Variants in TENM2 observed in about 807,000 individuals in gnomAD.
TENM2 encodes the protein teneurin-2.
TENM2 carries 52 observed loss-of-function variants against 245.2 expected under a neutral mutation model. That is an observed-to-expected ratio of 0.21 (90% confidence interval 0.17 to 0.27). The LOEUF (loss-of-function observed/expected upper bound fraction) is 0.27. Ranked by LOEUF, TENM2 falls within the 10% of genes least tolerant of loss-of-function variation. The probability of loss-of-function intolerance (pLI) is 1.00; values close to 1 mark genes in which losing one functional copy is unlikely to be tolerated. For missense variants in TENM2, 3,046 were observed against 3,666.8 expected, an observed-to-expected ratio of 0.83 and a Z score of 4.37; for synonymous variants, 1,363 against 1,438.9, an observed-to-expected ratio of 0.95 and a Z score of 1.19.
At chr5:167,684,573 C>T (rs2150386443) in intron 2 of TENM2, among the ~76,000 whole-genome samples, 1 of 152,268 alleles carries the variant, frequency 6.6e-6, no homozygotes, top group East Asian at 1.9e-4. Context: ...TGTTTTTCCA[C>T]ATTGCTAGAT....
chr5:167,247,597 C>T, the TENM2 span, among the ~76,000 whole-genome samples: 1 of 152,098 alleles, frequency 6.6e-6, no homozygotes, highest in Non-Finnish European at 1.5e-5. Context: ...ATGAGGGTGC[C>T]AGCCTGCCTC....
intron 2 of TENM2, among the ~76,000 whole-genome samples, chr5:167,815,556 C>A (rs192767324): frequency 3.9e-4 from 59 of 152,264 alleles, no homozygotes; most frequent in Non-Finnish European, 6.6e-4. Context: ...CAATAAGAGG[C>A]CATGCTTTGG....
chr5:167,975,080 G>A (rs534177920), intron 4 of TENM2, among the ~76,000 whole-genome samples: 1 of 152,360 alleles, frequency 6.6e-6, no homozygotes, highest in South Asian at 2.1e-4. Context: ...AATGCCTGAA[G>A]GCGGGCACCT....
chr5:167,171,125 T>G, the TENM2 span, among the ~76,000 whole-genome samples: 2 of 152,164 alleles, frequency 1.3e-5, no homozygotes, highest in Non-Finnish European at 2.9e-5. Flanking sequence ...TGTTGCCCCT[T>G]TGGCTCTGTT....
the TENM2 span, among the ~76,000 whole-genome samples, chr5:167,213,619 C>T: frequency 6.6e-6 from 1 of 152,050 alleles, no homozygotes; most frequent in Non-Finnish European, 1.5e-5. Context: ...AAATCACTAA[C>T]ATGAAAAAGC....
intron 2 of TENM2, among the ~76,000 whole-genome samples, chr5:167,764,349 T>A (rs922858382): frequency 2.0e-5 from 3 of 152,156 alleles, no homozygotes; most frequent in Non-Finnish European, 4.4e-5. Flanking sequence ...ATCTGTTTTT[T>A]CCATCATAGT....
the TENM2 span, among the ~76,000 whole-genome samples, chr5:166,988,431 G>A: frequency 2.7e-4 from 41 of 152,246 alleles, no homozygotes; most frequent in Non-Finnish European, 4.4e-4. Context: ...TCTGAATGCA[G>A]TCTTTTTGAT....
At chr5:168,006,446 C>T (rs1193102162) in intron 5 of TENM2, among the ~76,000 whole-genome samples, 1 of 152,142 alleles carries the variant, frequency 6.6e-6, no homozygotes, top group African/African-American at 2.4e-5. Flanking sequence ...TTAATGCCTT[C>T]GAATGCACAT....
intron 2 of TENM2, among the ~76,000 whole-genome samples, chr5:167,870,567 A>ATC (rs1369956939): frequency 7.2e-6 from 1 of 139,392 alleles, no homozygotes; most frequent in African/African-American, 2.7e-5. Context: ...ATATATATAT[A>ATC]TATGTGTGTG....
At chr5:167,869,659 G>T (rs1772642154) in intron 2 of TENM2, among the ~76,000 whole-genome samples, 1 of 152,204 alleles carries the variant, frequency 6.6e-6, no homozygotes, top group Admixed American at 6.5e-5. Context: ...TTCTGCACTA[G>T]CAGGCCTGGC....
intron 2 of TENM2, among the ~76,000 whole-genome samples, chr5:167,792,251 T>C (rs1158874064): frequency 1.3e-5 from 2 of 151,960 alleles, no homozygotes; most frequent in South Asian, 2.1e-4. Context: ...CAATTTTCCT[T>C]TGAGGAAAAA....
At chr5:168,157,515 G>T (rs777886987) in intron 12 of TENM2, among the ~76,000 whole-genome samples, 1 of 152,184 alleles carries the variant, frequency 6.6e-6, no homozygotes, top group African/African-American at 2.4e-5. Context: ...GGCAGTAGGG[G>T]TGGAAGTAGA....
the TENM2 span, among the ~76,000 whole-genome samples, chr5:167,171,576 A>C: frequency 6.6e-6 from 1 of 152,168 alleles, no homozygotes; most frequent in Non-Finnish European, 1.5e-5. Context: ...TTTCACCTCC[A>C]GAACTGAAAA....
At chr5:167,541,205 G>T (rs997747189) in intron 2 of TENM2, among the ~76,000 whole-genome samples, 1 of 152,096 alleles carries the variant, frequency 6.6e-6, no homozygotes, top group South Asian at 2.1e-4. Context: ...TAGCAAAAAT[G>T]TATTGTTAAT....
intron 2 of TENM2, among the ~76,000 whole-genome samples, chr5:167,812,465 T>C (rs139639760): frequency 0.02 from 3,033 of 152,180 alleles, 108 homozygotes; most frequent in African/African-American, 0.069. Flanking sequence ...CATCCCAGCA[T>C]TTTATTTGTT....
intron 2 of TENM2, among the ~76,000 whole-genome samples, chr5:167,539,907 G>GT (rs1337206609): frequency 6.6e-6 from 1 of 152,124 alleles, no homozygotes; most frequent in African/African-American, 2.4e-5. Context: ...GCTTCAAAAT[G>GT]TTTTTTCATT....
exon 29 of TENM2, chr5:168,262,352 A>C (rs1442211924): frequency 6.2e-7 from 1 of 1,608,028 alleles, no homozygotes. Context: ...CTACTTTGTG[A>C]AGATTGGCTC....
At chr5:167,588,008 AAG>A (rs2127698988) in intron 2 of TENM2, among the ~76,000 whole-genome samples, 1 of 152,282 alleles carries the variant, frequency 6.6e-6, no homozygotes, top group South Asian at 2.1e-4. Flanking sequence ...CTGAGATCCA[AAG>A]AGGCAACCAC....
At chr5:167,755,739 G>A (rs759335487) in intron 2 of TENM2, among the ~76,000 whole-genome samples, 2 of 152,114 alleles carry the variant, frequency 1.3e-5, no homozygotes, top group Non-Finnish European at 1.5e-5. Context: ...TCTGTTAGCT[G>A]AATTTTCTTC....
Sources: gnomAD v4.1 joint callset for allele counts (sites outside exome capture counted in the v4.1 genomes callset) on GRCh38, gnomAD v4.1.1 for gene constraint, MANE v1.5 for transcripts, NCBI Gene and HGNC (gene_info 2026-07-23, HGNC 2026-07-21) for gene names.